Variants in ASH1L observed in about 807,000 individuals in gnomAD.
ASH1L encodes the protein histone-lysine N-methyltransferase ASH1L.
Under a neutral mutation model 269.0 loss-of-function variants are expected in ASH1L, and 23 were observed. The ratio of observed to expected loss-of-function variants is 0.09; its 90% CI spans 0.06 to 0.12. The LOEUF (loss-of-function observed/expected upper bound fraction) is 0.12. ASH1L is among the 10% of genes least tolerant of loss of function. The pLI is 1.00. For synonymous variants in ASH1L, 1,187 were observed against 1,253.5 expected, an observed-to-expected ratio of 0.95 and a Z score of 1.12; for missense variants, 2,912 against 3,567.8, an observed-to-expected ratio of 0.82 and a Z score of 4.68.
rs1301079792 is a variant in ASH1L at position 155,338,379 on chromosome 1, T to G, written c.8513A>C (p.Lys2838Thr). The change falls in exon 27 of 28, where the codon AAG (lysine) becomes ACG (threonine). Residue 2838 changes from lysine (K) to threonine (T), a missense_variant. Physicochemically the swap from Lys to Thr is moderately conservative, Grantham distance 78. Coordinates refer to ENST00000392403, the MANE Select transcript of ASH1L (RefSeq NM_018489.3). ...YKRNGGRSSW[K>T]SERSKPPLKD... is the part of the protein sequence containing the mutation. ...TAGGGGTGGCTTTGAGCGCTCAGACTTCCAGGATGATCTGCCAGAAGGATA... is the reference window on the plus strand; with the variant it reads ...TAGGGGTGGCTTTGAGCGCTCAGACGTCCAGGATGATCTGCCAGAAGGATA... 3 of 1,612,042 alleles carry G rather than the reference T, an allele frequency of 1.9e-6. No individual in the cohort carries two copies. The highest frequency in any genetic ancestry group is 2.5e-6 in the Non-Finnish European group (3 of 1,178,664).
At position 155,344,255 on chromosome 1, in the gene ASH1L, G is replaced by A; in HGVS notation, c.7909C>T (p.Arg2637Trp). The A allele has an allele frequency of 1.2e-6, 2 of 1,614,104 alleles. No individual in the cohort carries two copies. The highest frequency in any genetic ancestry group is 4.5e-5 in the East Asian group (2 of 44,878). The change falls in exon 22 of 28, where the codon CGG (arginine) becomes TGG (tryptophan). Residue 2637 changes from arginine (R) to tryptophan (W), a missense_variant. Physicochemically the swap from Arg to Trp is moderately radical, Grantham distance 101. Transcript: ENST00000392403. ...PVDREVPMIP[R>W]PHYAQPGCVY... ...CAGCCAGGTTGGGCATAGTGGGGCCGAGGGATCATGGGAACCTCCTGATAG... is the reference window on the plus strand; with the variant it reads ...CAGCCAGGTTGGGCATAGTGGGGCCAAGGGATCATGGGAACCTCCTGATAG...
At chr1:155,461,455 T>A (rs1188634505) in intron 3 of ASH1L, among the ~76,000 whole-genome samples, 1 of 152,198 alleles carries the variant, frequency 6.6e-6, no homozygotes, top group Non-Finnish European at 1.5e-5. Context: ...GATGTAGACC[T>A]ATTCAAGCAG....
chr1:155,512,523 C>T (rs1668230585), intron 2 of ASH1L, among the ~76,000 whole-genome samples: 2 of 128,362 alleles, frequency 1.6e-5, no homozygotes, highest in Non-Finnish European at 1.6e-5. Flanking sequence ...GTGATCTCGG[C>T]TCACTGCAAC....
At position 155,347,884 on chromosome 1, in the gene ASH1L, G is replaced by A; in HGVS notation, c.7575C>T (p.Ser2525=). ...RNAEKYYGRK[S]PVGRDVCRLR... ...GACGACAAACATCTCTCCCAACTGGGGATTTACGCCCATAGTACTTCTGAA... is the reference window on the plus strand; with the variant it reads ...GACGACAAACATCTCTCCCAACTGGAGATTTACGCCCATAGTACTTCTGAA... The change falls in exon 20 of 28, where the codon TCC becomes TCT. Residue 2525 remains serine (S), a synonymous_variant. Transcript: ENST00000392403. 2.5e-6 allele frequency: 4 copies of A among 1,614,092 alleles called. No individual in the cohort carries two copies. The highest frequency in any genetic ancestry group is 2.2e-5 in the South Asian group (2 of 91,070).
intron 5 of ASH1L, chr1:155,433,841 T>C (rs759385860): frequency 2.5e-6 from 4 of 1,606,916 alleles, no homozygotes; most frequent in Non-Finnish European, 3.4e-6. Flanking sequence ...TCAGGAGACA[T>C]GCAAAGCAGA....
chr1:155,486,258 A>C (rs1666322272), intron 2 of ASH1L, among the ~76,000 whole-genome samples: 1 of 152,192 alleles, frequency 6.6e-6, no homozygotes, highest in South Asian at 2.1e-4. Context: ...AAAGGGAACT[A>C]TCTCTTCTTT....
chr1:155,345,100 G>A (rs1322792699), intron 21 of ASH1L, among the ~76,000 whole-genome samples: 5 of 151,090 alleles, frequency 3.3e-5, no homozygotes, highest in African/African-American at 1.2e-4. Flanking sequence ...GGGACTACAG[G>A]CACGCAACAC....
intron 3 of ASH1L, among the ~76,000 whole-genome samples, chr1:155,472,708 T>C (rs1017442093): frequency 6.6e-6 from 1 of 152,240 alleles, no homozygotes; most frequent in African/African-American, 2.4e-5. Flanking sequence ...GCCATCCCTA[T>C]TATCCACGAA....
chr1:155,485,255 CA>C (rs71080707), intron 2 of ASH1L, among the ~76,000 whole-genome samples: 117,346 of 139,298 alleles, frequency 0.84, 52,606 homozygotes, highest in Non-Finnish European at 0.99. Flanking sequence ...GATTCCGTCT[CA>C]AAAAAAAAAA....
intron 3 of ASH1L, among the ~76,000 whole-genome samples, chr1:155,471,751 G>A (rs1570914330): frequency 6.6e-6 from 1 of 152,256 alleles, no homozygotes; most frequent in Non-Finnish European, 1.5e-5. Flanking sequence ...AATTGAGGGG[G>A]TTGCACGAAG....
intron 6 of ASH1L, among the ~76,000 whole-genome samples, chr1:155,415,380 T>TAAA (rs1660123361): frequency 1.0e-5 from 1 of 97,490 alleles, no homozygotes; most frequent in African/African-American, 5.2e-5. Flanking sequence ...AGACTCCGTC[T>TAAA]CAAAAAAAAA....
chr1:155,364,757 T>C (rs1351612292), intron 12 of ASH1L, among the ~76,000 whole-genome samples: 1 of 151,846 alleles, frequency 6.6e-6, no homozygotes. Flanking sequence ...CTGGACAACA[T>C]GGCACAACCC....
Position 155,557,914 on chromosome 1 carries a change from G to A in ASH1L, c.-100+4239C>T, listed in dbSNP as rs142930067. ...GCTGGCCTAAGCAGATCTCACAGCA[G>A]ATTATAGTGAGGTTGTATACTACCT... is the stretch of plus-strand genomic sequence containing the variant. On this transcript the variant is annotated intron_variant, in intron 1 of 27. Coordinates refer to ENST00000392403, the MANE Select transcript of ASH1L (RefSeq NM_018489.3). Among the ~76,000 whole-genome samples, 81 of 152,256 alleles carry A rather than the reference G, an allele frequency of 5.3e-4. No homozygotes were observed. The East Asian group carries it at 0.013, about 24-fold the overall frequency.
At chr1:155,518,105 A>C (rs1327864529) in intron 2 of ASH1L, among the ~76,000 whole-genome samples, 1 of 152,116 alleles carries the variant, frequency 6.6e-6, no homozygotes, top group Non-Finnish European at 1.5e-5. Flanking sequence ...CGGCCCAATA[A>C]TTTCTTTAAC....
chr1:155,550,750 C>T (rs1260160996), intron 1 of ASH1L, among the ~76,000 whole-genome samples: 1 of 152,190 alleles, frequency 6.6e-6, no homozygotes, highest in Non-Finnish European at 1.5e-5. Flanking sequence ...GTCTATCTTA[C>T]TCAAAAGGAA....
At chr1:155,461,490 A>T (rs1320716850) in intron 3 of ASH1L, among the ~76,000 whole-genome samples, 1 of 152,174 alleles carries the variant, frequency 6.6e-6, no homozygotes, top group Non-Finnish European at 1.5e-5. Flanking sequence ...GTTGAATCTT[A>T]ACAACAGATA....
intron 7 of ASH1L, among the ~76,000 whole-genome samples, chr1:155,382,420 C>T (rs1482045078): frequency 2.0e-5 from 3 of 152,112 alleles, no homozygotes; most frequent in Non-Finnish European, 1.5e-5. Context: ...ATGGTGTGAA[C>T]CCAGGAGATG....
In ASH1L at chr1:155,562,459, C is replaced by T. The variant is rs1672079773; in HGVS notation, c.-406G>A. Reference sequence around the variant, plus strand: ...GGCGGCGGCGGCAGCAGCAGAGTGGCGGCGGTGGCGGCGGCAGCTCCTCCA... The same window carrying T: ...GGCGGCGGCGGCAGCAGCAGAGTGGTGGCGGTGGCGGCGGCAGCTCCTCCA... On this transcript the variant is annotated 5_prime_UTR_variant, in exon 1 of 28. Transcript: ENST00000392403. The T allele has an allele frequency of 2.1e-6, 3 of 1,451,252 alleles. No individual in the cohort carries two copies. The highest frequency in any genetic ancestry group is 1.4e-5 in the African/African-American group (1 of 71,140). The allele number at this position is 1,451,252 out of a possible 1,614,324, so 89.9% of individuals were successfully genotyped here.
Position 155,343,784 on chromosome 1 carries a change from T to C in ASH1L, c.7982-42A>G. ...CACAGAAGAAACATAAAACAATTCT[T>C]GTATGAATTCTGTTAGGCATCTGTT... On this transcript the variant is annotated intron_variant, in intron 22 of 27. Transcript: ENST00000392403. The surrounding 1 kb of genome is among the most constrained non-coding windows in gnomAD (Gnocchi z 6.1). 1 of 1,605,448 alleles carries C rather than the reference T, an allele frequency of 6.2e-7. No individual in the cohort carries two copies. The highest frequency in any genetic ancestry group is 8.5e-7 in the Non-Finnish European group (1 of 1,175,840).
Sources: gnomAD v4.1 joint callset for allele counts (sites outside exome capture counted in the v4.1 genomes callset) on GRCh38, gnomAD v4.1.1 for gene constraint, Gnocchi (gnomAD v3.1) non-coding constraint, MANE v1.5 for transcripts, NCBI Gene and HGNC (gene_info 2026-07-23, HGNC 2026-07-21) for gene names.